CSN2: variants seen among roughly 807,000 people sequenced by gnomAD.
CSN2 encodes beta-casein.
In CSN2, 27 loss-of-function variants were observed where a neutral mutation model predicts 27.3. The observed-to-expected ratio is 0.99, with a 90% CI of 0.73 to 1.36. The LOEUF (loss-of-function observed/expected upper bound fraction) is 1.36, where lower values mean the gene tolerates loss of function less well. Among genes scored for constraint, CSN2 ranks in the 40% most tolerant of loss-of-function variants. CSN2 has a pLI of 0.00. For synonymous variants in CSN2, 131 were observed against 94.8 expected, an observed-to-expected ratio of 1.38 and a Z score of -2.22; for missense variants, 333 against 264.5, an observed-to-expected ratio of 1.26 and a Z score of -1.80.
chr4:69,958,838 CA>C, intron 5 of CSN2, 70 bp downstream of exon 5: 1 of 948,366 alleles, frequency 1.1e-6, no homozygotes, highest in Non-Finnish European at 1.6e-6. Context: ...TCAACATACA[CA>C]TTATAAATAT....
intron 1 of CSN2, among the ~76,000 whole-genome samples, chr4:69,962,649 C>T (rs1271425524): frequency 1.3e-5 from 2 of 152,160 alleles, no homozygotes; most frequent in East Asian, 3.9e-4. Context: ...AAAACCTAGG[C>T]AATACCATTC....
At chr4:69,958,087 G>T (rs1036368260) in intron 5 of CSN2, among the ~76,000 whole-genome samples, 1 of 152,088 alleles carries the variant, frequency 6.6e-6, no homozygotes, top group African/African-American at 2.4e-5. Context: ...TTCCTGAATT[G>T]CCTGGATAGC....
chr4:69,959,193 CTT>C (rs1469192047), intron 3 of CSN2, 124 bp from the exon 4 acceptor site: 7 of 784,700 alleles, frequency 8.9e-6, no homozygotes, highest in Non-Finnish European at 1.3e-5. Context: ...AATCATTAAA[CTT>C]ATGTATTAAA....
Position 69,958,937 on chromosome 4 carries a change from A to T in CSN2, c.116T>A (p.Val39Asp), listed in dbSNP as rs1723485316. 5 of 1,598,234 alleles carry T rather than the reference A, an allele frequency of 3.1e-6. No individual in the cohort carries two copies. The highest frequency in any genetic ancestry group is 4.3e-6 in the Non-Finnish European group (5 of 1,169,048). Residue 39 changes from valine (V) to aspartate (D), a missense_variant, in exon 5 of 8, where the codon GTT becomes GAT. Coordinates refer to ENST00000353151, the MANE Select transcript of CSN2 (RefSeq NM_001891.4). ...ITEYKQKVEKVKHEDQQQGED... is the reference protein window; with the variant it reads ...ITEYKQKVEKDKHEDQQQGED... Reference sequence around the variant, plus strand: ...TCCTTGCTGCTGGTCCTCATGTTTAACCTTCTCAACTTTCTGCTAAAGATA... The same window carrying T: ...TCCTTGCTGCTGGTCCTCATGTTTATCCTTCTCAACTTTCTGCTAAAGATA...
chr4:69,962,864 A>G (rs1300044162), intron 1 of CSN2, among the ~76,000 whole-genome samples: 1 of 152,236 alleles, frequency 6.6e-6, no homozygotes, highest in Non-Finnish European at 1.5e-5. Flanking sequence ...TCCAGAATCT[A>G]CAATGAACTC....
At chr4:69,960,216 T>A (rs1723530175) in intron 2 of CSN2, 137 bp from the exon 3 acceptor site, 1 of 738,172 alleles carries the variant, frequency 1.4e-6, no homozygotes, top group South Asian at 1.9e-5. Context: ...TCTGAAAAGA[T>A]GTTTAAAAAT....
At chr4:69,961,543 T>G (rs1350892937) in intron 1 of CSN2, among the ~76,000 whole-genome samples, 1 of 152,178 alleles carries the variant, frequency 6.6e-6, no homozygotes, top group Non-Finnish European at 1.5e-5. Context: ...CACTTCATGC[T>G]AAAAACTCTC....
intron 6 of CSN2, 67 bp from the exon 7 acceptor site, chr4:69,956,422 G>C (rs1448154350): frequency 8.2e-7 from 1 of 1,223,384 alleles, no homozygotes; most frequent in Non-Finnish European, 1.1e-6. Context: ...TAAGAATGTT[G>C]TAAGTAGTGA....
intron 6 of CSN2, among the ~76,000 whole-genome samples, 184 bp from the exon 7 acceptor site, chr4:69,956,539 TAGTA>T (rs1316766088): frequency 6.6e-6 from 1 of 152,026 alleles, no homozygotes; most frequent in Non-Finnish European, 1.5e-5. Context: ...AATAACCTCT[TAGTA>T]AGAAAACTTG....
At chr4:69,956,855 T>C (rs1322353330) in intron 6 of CSN2, among the ~76,000 whole-genome samples, 2 of 152,154 alleles carry the variant, frequency 1.3e-5, no homozygotes, top group East Asian at 1.9e-4. Flanking sequence ...AGAACAATTA[T>C]ATCAGAATCT....
At position 69,955,385 on chromosome 4, in the gene CSN2, T is replaced by C. The variant is rs989198823; in HGVS notation, c.*244A>G. 11 of 152,558 alleles carry C rather than the reference T, an allele frequency of 7.2e-5. No homozygotes were observed. The highest frequency in any genetic ancestry group is 4.6e-4 in the Admixed American group (7 of 15,252). The allele number at this position is 152,558 out of a possible 1,614,324, so 9.5% of individuals were successfully genotyped here. A position where few individuals can be genotyped will look rare whatever the true frequency, so the allele number is the denominator to read the frequency against. On this transcript the variant is annotated 3_prime_UTR_variant, in exon 8 of 8. Coordinates refer to ENST00000353151, the MANE Select transcript of CSN2 (RefSeq NM_001891.4). ...TGTTTGTAGCATTTCCAAATGAGTA[T>C]TGAACTTCTGTGGTACTAGTTGAAT...
At chr4:69,958,196 T>C (rs1723465421) in intron 5 of CSN2, among the ~76,000 whole-genome samples, 1 of 152,160 alleles carries the variant, frequency 6.6e-6, no homozygotes, top group African/African-American at 2.4e-5. Context: ...AGAGATCAGT[T>C]TAAAAAGACT....
At chr4:69,965,653 A>G (rs1041502800) in intron 1 of CSN2, among the ~76,000 whole-genome samples, 28 bp downstream of exon 1, 2 of 151,834 alleles carry the variant, frequency 1.3e-5, no homozygotes, top group Non-Finnish European at 2.9e-5. Context: ...AGGAGAAGAT[A>G]CAACAAATTT....
intron 3 of CSN2, among the ~76,000 whole-genome samples, 198 bp from the exon 4 acceptor site, chr4:69,959,267 G>GT (rs1393427670): frequency 6.6e-6 from 1 of 150,694 alleles, no homozygotes; most frequent in African/African-American, 2.5e-5. Flanking sequence ...GAAGGACATG[G>GT]TACAAAAAAA....
Position 69,959,071 on chromosome 4 carries a change from T to A in CSN2, c.79-2A>T. On this transcript the variant is annotated splice_acceptor_variant, in intron 3 of 7. Coordinates refer to ENST00000353151, the MANE Select transcript of CSN2 (RefSeq NM_001891.4). LOFTEE classifies it high-confidence loss of function. The stretch of plus-strand genomic sequence containing the variant: ...TACCTTGTATTCTGTAATAGATTCC[T>A]ACAGAAAAATATAAAATAAAATTAG... 1 of 1,348,472 alleles carries A rather than the reference T, an allele frequency of 7.4e-7. No individual in the cohort carries two copies. The allele number at this position is 1,348,472 out of a possible 1,614,324, so 83.5% of individuals were successfully genotyped here. A position where few individuals can be genotyped will look rare whatever the true frequency, so the allele number is the denominator to read the frequency against.
At chr4:69,959,569 G>A (rs943123872) in intron 3 of CSN2, among the ~76,000 whole-genome samples, 6 of 151,970 alleles carry the variant, frequency 3.9e-5, no homozygotes, top group Admixed American at 1.3e-4. Flanking sequence ...ACTCTCTCAG[G>A]TAAATTTAGG....
At chr4:69,960,847 A>T in intron 2 of CSN2, 98 bp downstream of exon 2, 1 of 944,580 alleles carries the variant, frequency 1.1e-6, no homozygotes, top group Non-Finnish European at 1.7e-6. Flanking sequence ...ATTCTTCATT[A>T]TTTATACAGT....
chr4:69,957,167 C>A, intron 6 of CSN2, 107 bp downstream of exon 6: 2 of 1,157,244 alleles, frequency 1.7e-6, no homozygotes, highest in African/African-American at 1.6e-5. Flanking sequence ...AAAAGAATCA[C>A]TTATCTAAAC....
rs1447522184 is a variant in CSN2, at chr4:69,958,892, TATC to T, written c.144+14_144+16del. On this transcript the variant is annotated intron_variant, in intron 5 of 7. Transcript: ENST00000353151. ...TTTATAATAATTTTAAACATATACT[TATC>T]ATTAACAAATTACCTCTCCTTGCTG... The T allele has an allele frequency of 2.0e-6, 3 of 1,527,646 alleles. No individual in the cohort carries two copies. Among genetic ancestry groups the T allele is most frequent in the South Asian group, 2.3e-5 (2 of 86,512 alleles). The allele number at this position is 1,527,646 out of a possible 1,614,324, so 94.6% of individuals were successfully genotyped here.
Sources: gnomAD v4.1 joint callset for allele counts (sites outside exome capture counted in the v4.1 genomes callset) on GRCh38, gnomAD v4.1.1 for gene constraint, MANE v1.5 for transcripts, NCBI Gene and HGNC (gene_info 2026-07-23, HGNC 2026-07-21) for gene names.